Variants in CHAF1B observed in about 807,000 individuals in gnomAD.
CHAF1B encodes chromatin assembly factor 1 subunit B.
A neutral mutation model predicts 60.7 loss-of-function variants in CHAF1B; 10 were observed. That is an observed-to-expected ratio of 0.16 (90% CI 0.10 to 0.28). CHAF1B has a LOEUF of 0.28. Among genes scored for constraint, CHAF1B ranks in the 10% least tolerant of loss-of-function variants. CHAF1B has a pLI of 1.00. For synonymous variants in CHAF1B, 261 were observed against 266.1 expected (o/e 0.98, Z 0.19); for missense variants, 558 against 708.4 (o/e 0.79, Z 2.41).
chr21:36,390,892 A>G, intron 3 of CHAF1B, among the ~76,000 whole-genome samples: 1 of 152,086 alleles, frequency 6.6e-6, no homozygotes, highest in East Asian at 1.9e-4. Flanking sequence ...CTGGGCTAAA[A>G]CAACCCTTCC....
chr21:36,412,236 C>T (rs2146376685), intron 11 of CHAF1B, among the ~76,000 whole-genome samples: 1 of 152,336 alleles, frequency 6.6e-6, no homozygotes, highest in Admixed American at 6.5e-5. Context: ...AAGCCCTTCC[C>T]TGCATGCCCC....
At chr21:36,412,815 C>T (rs2086288047) in intron 11 of CHAF1B, 69 bp from the exon 12 acceptor site, 8 of 1,473,880 alleles carry the variant, frequency 5.4e-6, no homozygotes, top group African/African-American at 1.4e-5. Flanking sequence ...TTTGCTCGAA[C>T]TTCCCTCTTC....
chr21:36,404,088 A>G (rs1238995899), intron 8 of CHAF1B, among the ~76,000 whole-genome samples: 1 of 151,842 alleles, frequency 6.6e-6, no homozygotes, highest in African/African-American at 2.4e-5. Context: ...TAAACCCAGT[A>G]ATAAATCCTT....
Position 36,411,530 on chromosome 21 carries a change from G to C in CHAF1B, c.987G>C (p.Leu329=). Residue 329 remains leucine, a synonymous_variant, in exon 11 of 14, where the codon CTG becomes CTC. Transcript: ENST00000314103. ...FAVASEDSVL[L]YDTQQSFPFG... Reference sequence around the variant, plus strand: ...TGGCCTCGGAGGATTCCGTGCTTCTGTATGACACCCAGCAGTCCTTCCCTT... The same window carrying C: ...TGGCCTCGGAGGATTCCGTGCTTCTCTATGACACCCAGCAGTCCTTCCCTT... The C allele has an allele frequency of 1.2e-6, 2 of 1,614,100 alleles. No individual in the cohort carries two copies. Among genetic ancestry groups the C allele is most frequent in the African/African-American group, 1.3e-5 (1 of 75,024 alleles).
At chr21:36,416,194 G>T in intron 13 of CHAF1B, 81 bp from the exon 14 acceptor site, 2 of 1,225,170 alleles carry the variant, frequency 1.6e-6, no homozygotes, top group South Asian at 2.7e-5. Flanking sequence ...CCGTGTCTTG[G>T]CTCTGTATTC....
rs1260826992 is a variant in CHAF1B at position 36,413,225 on chromosome 21, C to A, written c.1403C>A (p.Thr468Asn). The change falls in exon 12 of 14, where the codon ACC (threonine) becomes AAC (asparagine). Residue 468 changes from threonine (T) to asparagine (N), a missense_variant. Physicochemically the swap from Thr to Asn is moderately conservative, Grantham distance 65. Transcript: ENST00000314103. ...TTGCCGGGGCCTTCGGAGGAGAAGA[C>A]CCTGCAGCCCAGTAGTCAAAACACA... ...SPLPGPSEEK[T>N]LQPSSQNTKA... 3 of 1,614,132 alleles carry A rather than the reference C, an allele frequency of 1.9e-6. No individual in the cohort carries two copies. Among genetic ancestry groups the A allele is most frequent in the Admixed American group, 1.7e-5 (1 of 60,004 alleles).
intron 8 of CHAF1B, among the ~76,000 whole-genome samples, chr21:36,407,742 CGGA>C (rs1391934264): frequency 6.6e-6 from 1 of 152,024 alleles, no homozygotes; most frequent in Non-Finnish European, 1.5e-5. Context: ...CTTTGGGAGG[CGGA>C]GGAGGGCAGA....
In CHAF1B at chr21:36,402,820, C is replaced by G; in HGVS notation, c.726C>G (p.Phe242Leu). 1 of 1,614,080 alleles carries G rather than the reference C, an allele frequency of 6.2e-7. No individual in the cohort carries two copies. The highest frequency in any genetic ancestry group is 1.1e-5 in the South Asian group (1 of 91,084). The stretch of plus-strand genomic sequence containing the variant: ...AGTCTTTCTTCCGTAGACTGAGTTT[C>G]ACTCCCGACGGATCTTTGCTTCTCA... Reference protein sequence around the residue: ...SMKSFFRRLSFTPDGSLLLTP... With the variant: ...SMKSFFRRLSLTPDGSLLLTP... The change falls in exon 8 of 14, where the codon TTC (phenylalanine) becomes TTG (leucine). Residue 242 changes from phenylalanine to leucine, a missense_variant. Phe to Leu is a conservative substitution (Grantham distance 22). Around this residue, in one of 2 missense-constraint regions of CHAF1B, gnomAD observed 325 missense variants for 493.5 expected, o/e 0.66. Transcript: ENST00000314103.
chr21:36,390,162 C>T (rs771344252), intron 3 of CHAF1B, among the ~76,000 whole-genome samples: 6 of 151,834 alleles, frequency 4.0e-5, no homozygotes, highest in South Asian at 2.1e-4. Flanking sequence ...GGAGAAACCT[C>T]GTCTCTACTA....
rs746723654 is a variant in CHAF1B at position 36,416,386 on chromosome 21, C to T, written c.*20C>T. 1.6e-5 allele frequency: 25 copies of T among 1,599,850 alleles called. No homozygotes were observed. In the African/African-American group the frequency reaches 1.6e-4, roughly 10 times the overall value. ...CCTTGATGGGACCTCGGCTTCTGCT[C>T]GAAGCCTACCAGGCTCCCGGTGTGT... is the stretch of plus-strand genomic sequence containing the variant. On this transcript the variant is annotated 3_prime_UTR_variant, in exon 14 of 14. Transcript: ENST00000314103.
rs574358144 is a variant in CHAF1B at position 36,411,400 on chromosome 21, C to G, written c.920-63C>G. 3 of 1,597,214 alleles carry G rather than the reference C, an allele frequency of 1.9e-6. No homozygotes were observed. In the Admixed American group the frequency reaches 5.1e-5, roughly 27 times the overall value. On this transcript the variant is annotated intron_variant, in intron 10 of 13. Transcript: ENST00000314103. ...AAGTGCTGGGATTCTAGGCGTGAGC[C>G]ATTGCACCTGGTCAGAAGCCTTGTT... is the stretch of plus-strand genomic sequence containing the variant.
At chr21:36,394,726 T>G in intron 5 of CHAF1B, 76 bp downstream of exon 5, 1 of 998,558 alleles carries the variant, frequency 1.0e-6, no homozygotes, top group South Asian at 1.5e-5. Context: ...CTAACTTGCT[T>G]TAACTTTTTT....
intron 4 of CHAF1B, among the ~76,000 whole-genome samples, chr21:36,393,446 C>CTTT (rs748789062): frequency 8.7e-5 from 10 of 115,122 alleles, no homozygotes; most frequent in Non-Finnish European, 1.1e-4. Flanking sequence ...TACAGCTATC[C>CTTT]TTTTTTTTTT....
At position 36,397,429 on chromosome 21, in the gene CHAF1B, A is replaced by AT; in HGVS notation, c.501dup (p.Asn168Ter). The AT allele has an allele frequency of 6.4e-7, 1 of 1,551,666 alleles. No individual in the cohort carries two copies. The highest frequency in any genetic ancestry group is 1.2e-5 in the South Asian group (1 of 83,090). On this transcript the variant is annotated frameshift_variant, in exon 6 of 14. Coordinates refer to ENST00000314103, the MANE Select transcript of CHAF1B (RefSeq NM_005441.3). LOFTEE classifies it high-confidence loss of function. The stretch of plus-strand genomic sequence containing the variant: ...TTTTTTTGTAGGACAAAAGATATCA[A>AT]TTTTTAATGAACATAAAAGTTATGT...
At chr21:36,398,152 G>C (rs1464609485) in intron 6 of CHAF1B, 1 of 150,952 alleles carries the variant, frequency 6.6e-6, no homozygotes, top group Admixed American at 6.6e-5. Flanking sequence ...TCCTGGGCTC[G>C]AGCAATCCTC....
intron 4 of CHAF1B, among the ~76,000 whole-genome samples, chr21:36,393,852 G>T (rs2086114499): frequency 6.6e-6 from 1 of 152,040 alleles, no homozygotes. Flanking sequence ...TCTGGAGATT[G>T]TCCTTATATT....
chr21:36,408,641 A>G (rs1208227677), intron 8 of CHAF1B, 120 bp from the exon 9 acceptor site: 2 of 671,224 alleles, frequency 3.0e-6, no homozygotes, highest in Non-Finnish European at 5.4e-6. Flanking sequence ...TGTCCAGAGA[A>G]TATAACTGCA....
intron 10 of CHAF1B, 62 bp from the exon 11 acceptor site, chr21:36,411,401 A>G: frequency 6.2e-7 from 1 of 1,600,354 alleles, no homozygotes; most frequent in South Asian, 1.1e-5. Context: ...GGCGTGAGCC[A>G]TTGCACCTGG....
At position 36,416,897 on chromosome 21, in the gene CHAF1B, A is replaced by G. The variant is rs1179996036; in HGVS notation, c.*531A>G. 1.3e-5 allele frequency: 2 copies of G among 152,260 alleles called. No homozygotes were observed. The highest frequency in any genetic ancestry group is 2.9e-5 in the Non-Finnish European group (2 of 68,078). 9.4% of individuals were successfully genotyped at this position (152,260 alleles called of 1,614,324 possible). Reference sequence around the variant, plus strand: ...TTAGTAACTAAGTGAAGTGAAAAAGATGGGTATCACCCATCATCTTCCCAC... The same window carrying G: ...TTAGTAACTAAGTGAAGTGAAAAAGGTGGGTATCACCCATCATCTTCCCAC... On this transcript the variant is annotated 3_prime_UTR_variant, in exon 14 of 14. Coordinates refer to ENST00000314103, the MANE Select transcript of CHAF1B (RefSeq NM_005441.3).
Sources: gnomAD v4.1 joint callset for allele counts (sites outside exome capture counted in the v4.1 genomes callset) on GRCh38, gnomAD v4.1.1 for gene constraint, gnomAD v4.1.1 regional missense constraint, MANE v1.5 for transcripts, NCBI Gene and HGNC (gene_info 2026-07-23, HGNC 2026-07-21) for gene names.